Variants in RHBDL3 observed in about 807,000 individuals in gnomAD.
The protein encoded by RHBDL3 is rhomboid-related protein 3.
In RHBDL3, 28 loss-of-function variants were observed where a neutral mutation model predicts 48.2. The observed-to-expected ratio is 0.58, with a 90% CI of 0.43 to 0.80. RHBDL3 has a LOEUF of 0.80. RHBDL3 is among the 30% of genes least tolerant of loss of function. RHBDL3 has a pLI of 0.00. For synonymous variants in RHBDL3, 208 were observed against 232.3 expected, an observed-to-expected ratio of 0.90 and a Z score of 0.95; for missense variants, 464 against 542.7, an observed-to-expected ratio of 0.85 and a Z score of 1.44.
intron 7 of RHBDL3, among the ~76,000 whole-genome samples, chr17:32,310,352 T>C (rs57002890): frequency 0.54 from 80,560 of 150,534 alleles, 22,276 homozygotes; most frequent in Non-Finnish European, 0.6. Context: ...GAGGCCGAGG[T>C]GGGCAGATCA....
At chr17:32,283,643 G>C (rs1183702456) in intron 2 of RHBDL3, among the ~76,000 whole-genome samples, 1 of 152,120 alleles carries the variant, frequency 6.6e-6, no homozygotes, top group African/African-American at 2.4e-5. Context: ...TTTTCTAACT[G>C]AACTGATGAG....
At chr17:32,299,650 G>A (rs1370780641) in intron 6 of RHBDL3, among the ~76,000 whole-genome samples, 1 of 152,192 alleles carries the variant, frequency 6.6e-6, no homozygotes, top group Non-Finnish European at 1.5e-5. Flanking sequence ...ACAAAAATAA[G>A]ATTCAAATGG....
In RHBDL3 at chr17:32,288,768, C is replaced by G. The variant is rs774241550; in HGVS notation, c.295-24C>G. Reference sequence around the variant, plus strand: ...TCCGCTGGGCCCCAGCTCTGACCCTCTCCCCACTCCATTTCCTGCACAGAT... The same window carrying G: ...TCCGCTGGGCCCCAGCTCTGACCCTGTCCCCACTCCATTTCCTGCACAGAT... On this transcript the variant is annotated intron_variant, in intron 3 of 8. Coordinates refer to ENST00000269051, the MANE Select transcript of RHBDL3 (RefSeq NM_138328.3). 3.2e-6 allele frequency: 5 copies of G among 1,579,792 alleles called. No homozygotes were observed. In the South Asian group the frequency reaches 4.5e-5, roughly 14 times the overall value.
At chr17:32,291,003 G>GGA (rs1555587447) in intron 4 of RHBDL3, among the ~76,000 whole-genome samples, 1 of 102,896 alleles carries the variant, frequency 9.7e-6, no homozygotes, top group African/African-American at 3.4e-5. Context: ...CCTGTCTCAA[G>GGA]AAAAAAAAAA....
rs371014695 is a variant in RHBDL3 at position 32,288,963 on chromosome 17, A to G, written c.466A>G (p.Ser156Gly). 33 of 1,614,058 alleles carry G rather than the reference A, an allele frequency of 2.0e-5. No homozygotes were observed. The highest frequency in any genetic ancestry group is 2.8e-5 in the Non-Finnish European group (33 of 1,180,034). ...AATTGACCGCAAGTGGTACTATGAC[A>G]GCTACACCTGCTGCCCCCCACCCTG... ...REIDRKWYYD[S>G]YTCCPPPWFM... The change falls in exon 4 of 9, where the codon AGC becomes GGC. Residue 156 changes from serine to glycine, a missense_variant. Ser to Gly is a moderately conservative substitution (Grantham distance 56). Transcript: ENST00000269051.
chr17:32,305,789 G>A (rs1372433892), intron 7 of RHBDL3, among the ~76,000 whole-genome samples: 1 of 151,876 alleles, frequency 6.6e-6, no homozygotes, highest in Admixed American at 6.6e-5. Context: ...GTGGTGGCAT[G>A]CGCCTGTAGT....
At chr17:32,290,575 T>C (rs2040303164) in intron 4 of RHBDL3, among the ~76,000 whole-genome samples, 1 of 151,968 alleles carries the variant, frequency 6.6e-6, no homozygotes, top group Non-Finnish European at 1.5e-5. Flanking sequence ...TCATAATGAA[T>C]AGAAAATAGG....
At chr17:32,304,675 A>G (rs2040666306) in intron 6 of RHBDL3, among the ~76,000 whole-genome samples, 1 of 152,240 alleles carries the variant, frequency 6.6e-6, no homozygotes, top group Admixed American at 6.5e-5. Context: ...TTATGGTTCC[A>G]GAACCCTGAC....
chr17:32,277,327 A>G (rs994701823), intron 2 of RHBDL3, among the ~76,000 whole-genome samples: 20 of 152,220 alleles, frequency 1.3e-4, no homozygotes, highest in African/African-American at 4.8e-4. Flanking sequence ...TGAAAATCAC[A>G]CATACATCAT....
intron 6 of RHBDL3, among the ~76,000 whole-genome samples, chr17:32,302,257 T>A (rs772701312): frequency 6.6e-6 from 1 of 152,250 alleles, no homozygotes; most frequent in African/African-American, 2.4e-5. Context: ...CCTTTATTAC[T>A]GTGTTTATGT....
At chr17:32,274,335 T>C (rs1193909891) in intron 2 of RHBDL3, among the ~76,000 whole-genome samples, 1 of 152,144 alleles carries the variant, frequency 6.6e-6, no homozygotes, top group African/African-American at 2.4e-5. Context: ...CTGGGGCCAT[T>C]GTCTTGTGCT....
At chr17:32,267,447 G>GT (rs747058381) in intron 1 of RHBDL3, among the ~76,000 whole-genome samples, 51 of 151,500 alleles carry the variant, frequency 3.4e-4, no homozygotes, top group African/African-American at 1.2e-3. Flanking sequence ...GGAGGGGGGG[G>GT]CTCTAGCTCC....
At chr17:32,273,307 C>G (rs759973965) in intron 2 of RHBDL3, among the ~76,000 whole-genome samples, 16 of 152,200 alleles carry the variant, frequency 1.1e-4, no homozygotes, top group Non-Finnish European at 2.4e-4. Flanking sequence ...CAGCCCAGTC[C>G]GCTCATTTTG....
Position 32,266,288 on chromosome 17 carries a change from G to T in RHBDL3, c.99G>T (p.Ala33=). The T allele has an allele frequency of 6.8e-7, 1 of 1,464,390 alleles. No homozygotes were observed. Among genetic ancestry groups the T allele is most frequent in the Non-Finnish European group, 9.0e-7 (1 of 1,113,932 alleles). 90.7% of individuals were successfully genotyped at this position (1,464,390 alleles called of 1,614,324 possible). The change falls in exon 1 of 9, where the codon GCG becomes GCT. Residue 33 remains alanine (A), a synonymous_variant. Transcript: ENST00000269051. ...CCGAGGCCGAGGAGCGGCTGCCCGC[G>T]GCGCCGGAGGACGTGAGTGCCCCCT... ...LEPEAEERLP[A]APEDHWKVLF...
intron 7 of RHBDL3, 120 bp downstream of exon 7, chr17:32,305,561 G>T (rs2040690263): frequency 1.4e-5 from 10 of 720,256 alleles, no homozygotes; most frequent in Non-Finnish European, 2.5e-5. Flanking sequence ...CTGGAGCAGA[G>T]TTCTCACACA....
chr17:32,294,285 T>C lies in RHBDL3; in HGVS notation c.520-9T>C, dbSNP rs2040402410. On this transcript the variant is annotated splice_polypyrimidine_tract_variant and intron_variant, in intron 4 of 8. Transcript: ENST00000269051. Reference sequence around the variant, plus strand: ...GCACCTAGTAACAGACTCTCTCTCTTCTGTCCAGGTTGCCTTTTTCCTCTA... The same window carrying C: ...GCACCTAGTAACAGACTCTCTCTCTCCTGTCCAGGTTGCCTTTTTCCTCTA... 2 of 1,613,156 alleles carry C rather than the reference T, an allele frequency of 1.2e-6. No homozygotes were observed.
At chr17:32,280,505 A>C in intron 2 of RHBDL3, 1 of 152,146 alleles carries the variant, frequency 6.6e-6, no homozygotes, top group East Asian at 1.9e-4. Flanking sequence ...GAAGGGTAGG[A>C]TATGTGCCCA....
intron 6 of RHBDL3, among the ~76,000 whole-genome samples, chr17:32,303,299 G>C (rs1411269965): frequency 1.3e-5 from 2 of 152,210 alleles, no homozygotes; most frequent in African/African-American, 2.4e-5. Flanking sequence ...CCAGCCTAGG[G>C]AGGCTGGGGC....
intron 2 of RHBDL3, among the ~76,000 whole-genome samples, chr17:32,277,464 G>C (rs1467785101): frequency 2.0e-5 from 3 of 152,202 alleles, no homozygotes; most frequent in Non-Finnish European, 4.4e-5. Context: ...GCTGTCCTGG[G>C]TGCTGAGCAG....
Sources: gnomAD v4.1 joint callset for allele counts (sites outside exome capture counted in the v4.1 genomes callset) on GRCh38, gnomAD v4.1.1 for gene constraint, MANE v1.5 for transcripts, NCBI Gene and HGNC (gene_info 2026-07-23, HGNC 2026-07-21) for gene names.